The following KIAA1586 variants were observed in gnomAD, a reference collection of about 807,000 sequenced individuals.
The protein encoded by KIAA1586 is E3 SUMO-protein ligase KIAA1586.
KIAA1586 carries 5 observed loss-of-function variants against 6.1 expected under a neutral mutation model. The ratio of observed to expected loss-of-function variants is 0.82; its 90% CI spans 0.43 to 1.73. KIAA1586 has a LOEUF of 1.73. KIAA1586 is among the 40% of genes most tolerant of loss of function. KIAA1586 has a pLI of 0.02. For synonymous variants in KIAA1586, 280 were observed against 301.7 expected, an observed-to-expected ratio of 0.93 and a Z score of 0.75; for missense variants, 899 against 878.2, an observed-to-expected ratio of 1.02 and a Z score of -0.30.
At chr6:57,056,343 A>G (rs1032245264), downstream of KIAA1586, among the ~76,000 whole-genome samples, 1 of 151,942 alleles carries the variant, frequency 6.6e-6, no homozygotes, top group Non-Finnish European at 1.5e-5. Context: ...AGTAGCTGGG[A>G]TTACAGGTGT....
At position 57,053,568 on chromosome 6, in the gene KIAA1586, A is replaced by ATT; in HGVS notation, c.1069_1070insTT (p.Thr357IlefsTer3). 6.2e-7 allele frequency: 1 copy of ATT among 1,612,546 alleles called. No individual in the cohort carries two copies. The highest frequency in any genetic ancestry group is 8.5e-7 in the Non-Finnish European group (1 of 1,178,904). Reference sequence around the variant, plus strand: ...TGTGGCTTTAAAAGAATTGGTGTCAACTATAGCAGAGTGTATTGTCAATAC... The same window carrying ATT: ...TGTGGCTTTAAAAGAATTGGTGTCAATTCTATAGCAGAGTGTATTGTCAATAC... On this transcript the variant is annotated frameshift_variant, in exon 4 of 4. Transcript: ENST00000370733. LOFTEE classifies it low-confidence loss of function (END_TRUNC).
At chr6:57,056,364 G>C (rs1420891560), downstream of KIAA1586, among the ~76,000 whole-genome samples, 1 of 151,342 alleles carries the variant, frequency 6.6e-6, no homozygotes, top group Non-Finnish European at 1.5e-5. Flanking sequence ...CTGCCACCAT[G>C]CCCAGCTAAT....
At chr6:57,056,365 C>T (rs1828498605), downstream of KIAA1586, among the ~76,000 whole-genome samples, 1 of 151,934 alleles carries the variant, frequency 6.6e-6, no homozygotes, top group Non-Finnish European at 1.5e-5. Flanking sequence ...TGCCACCATG[C>T]CCAGCTAATT....
Position 57,054,731 on chromosome 6 carries a change from A to G in KIAA1586, c.2232A>G (p.Ala744=), listed in dbSNP as rs1281905943. ...MTINLLGKEL[A]DWDATPFVKS... The stretch of plus-strand genomic sequence containing the variant: ...TAAATTTACTGGGGAAAGAATTAGC[A>G]GATTGGGATGCAACACCGTTTGTAA... Residue 744 remains alanine (A), a synonymous_variant, in exon 4 of 4, where the codon GCA becomes GCG. Coordinates refer to ENST00000370733, the MANE Select transcript of KIAA1586 (RefSeq NM_020931.4). The G allele has an allele frequency of 6.4e-7, 1 of 1,551,476 alleles. No individual in the cohort carries two copies. Among genetic ancestry groups the G allele is most frequent in the Admixed American group, 2.0e-5 (1 of 51,012 alleles).
the KIAA1586 span, among the ~76,000 whole-genome samples, chr6:57,064,714 C>T: frequency 6.6e-6 from 1 of 152,130 alleles, no homozygotes; most frequent in Non-Finnish European, 1.5e-5. Context: ...CAAAAGCCTT[C>T]TATTTATTGT....
Position 57,054,314 on chromosome 6 carries a change from A to G in KIAA1586, c.1815A>G (p.Ile605Met). 1.3e-6 allele frequency: 2 copies of G among 1,585,162 alleles called. No homozygotes were observed. Among genetic ancestry groups the G allele is most frequent in the Non-Finnish European group, 1.7e-6 (2 of 1,169,188 alleles). ...NNKFNALPRS[I>M]LLDNIIQHMN... is the part of the protein sequence containing the mutation. ...AATTTAATGCTCTTCCTAGGAGTAT[A>G]TTACTAGACAATATAATTCAGCACA... The change falls in exon 4 of 4, where the codon ATA becomes ATG. Residue 605 changes from isoleucine (I) to methionine (M), a missense_variant. Coordinates refer to ENST00000370733, the MANE Select transcript of KIAA1586 (RefSeq NM_020931.4).
At chr6:57,066,266 G>A in the KIAA1586 span, among the ~76,000 whole-genome samples, 3 of 151,902 alleles carry the variant, frequency 2.0e-5, no homozygotes, top group African/African-American at 7.3e-5. Context: ...GCAACAGTGA[G>A]ACTCCATCTA....
chr6:57,050,713 A>C, intron 2 of KIAA1586, 61 bp from the exon 3 acceptor site: 1 of 1,203,542 alleles, frequency 8.3e-7, no homozygotes, highest in Non-Finnish European at 1.2e-6. Flanking sequence ...ACTGATTGTT[A>C]AATTTAAGTT....
At position 57,053,146 on chromosome 6, in the gene KIAA1586, A is replaced by C; in HGVS notation, c.647A>C (p.His216Pro). ...AGGGAACATGATGTTTCTAAAGCCCATGGTAAAATTCAGGATTTGTTAAAG... is the reference window on the plus strand; with the variant it reads ...AGGGAACATGATGTTTCTAAAGCCCCTGGTAAAATTCAGGATTTGTTAAAG... ...KIREHDVSKAHGKIQDLLKES... is the reference protein window; with the variant it reads ...KIREHDVSKAPGKIQDLLKES... The change falls in exon 4 of 4, where the codon CAT (histidine) becomes CCT (proline). Residue 216 changes from histidine to proline, a missense_variant. His to Pro is a moderately conservative substitution (Grantham distance 77). Coordinates refer to ENST00000370733, the MANE Select transcript of KIAA1586 (RefSeq NM_020931.4). The C allele has an allele frequency of 6.2e-7, 1 of 1,611,032 alleles. No homozygotes were observed. Among genetic ancestry groups the C allele is most frequent in the Non-Finnish European group, 8.5e-7 (1 of 1,179,206 alleles).
downstream of KIAA1586, among the ~76,000 whole-genome samples, chr6:57,058,588 G>A (rs1006593419): frequency 1.1e-4 from 16 of 152,032 alleles, no homozygotes; most frequent in African/African-American, 3.9e-4. Flanking sequence ...AATATCCTAT[G>A]GCATATGAAT....
At position 57,054,117 on chromosome 6, in the gene KIAA1586, T is replaced by C. The variant is rs750840614; in HGVS notation, c.1618T>C (p.Ser540Pro). Residue 540 changes from serine (S) to proline (P), a missense_variant, in exon 4 of 4, where the codon TCA (serine) becomes CCA (proline). By Grantham distance (74) the Ser-to-Pro change is moderately conservative. Coordinates refer to ENST00000370733, the MANE Select transcript of KIAA1586 (RefSeq NM_020931.4). ...IDILEEFSVL[S>P]TALQSRSTNI... ...CATTCTTGAAGAATTTTCAGTACTT[T>C]CAACTGCATTACAGTCAAGATCAAC... is the stretch of plus-strand genomic sequence containing the variant. The C allele has an allele frequency of 1.2e-6, 2 of 1,607,700 alleles. No individual in the cohort carries two copies. Among genetic ancestry groups the C allele is most frequent in the African/African-American group, 1.3e-5 (1 of 74,610 alleles).
Position 57,050,784 on chromosome 6 carries a change from C to G in KIAA1586, c.116C>G (p.Ser39Trp). The change falls in exon 3 of 4, where the codon TCG (serine) becomes TGG (tryptophan). Residue 39 changes from serine (S) to tryptophan (W), a missense_variant. Physicochemically the swap from Ser to Trp is radical, Grantham distance 177. Transcript: ENST00000370733. ...CCACTTCCTTTTTAGGAAGGACCAT[C>G]GAGACCTGTTCTTGAATACATCGAT... ...DDIQFVSEGP[S>W]RPVLEYIDLV... 1.2e-6 allele frequency: 2 copies of G among 1,611,992 alleles called. No homozygotes were observed. Among genetic ancestry groups the G allele is most frequent in the Non-Finnish European group, 1.7e-6 (2 of 1,178,362 alleles).
chr6:57,050,409 C>G (rs750685667), intron 2 of KIAA1586, among the ~76,000 whole-genome samples: 1 of 151,620 alleles, frequency 6.6e-6, no homozygotes, highest in Non-Finnish European at 1.5e-5. Context: ...CCCCAACTTC[C>G]TGGGCTCCAG....
In KIAA1586 at chr6:57,054,749, G is replaced by T. The variant is rs375729894; in HGVS notation, c.2250G>T (p.Pro750=). The change falls in exon 4 of 4, where the codon CCG becomes CCT. Residue 750 remains proline, a synonymous_variant. Coordinates refer to ENST00000370733, the MANE Select transcript of KIAA1586 (RefSeq NM_020931.4). The part of the protein sequence containing the change: ...GKELADWDAT[P]FVKSWSNCNH... ...AATTAGCAGATTGGGATGCAACACC[G>T]TTTGTAAAATCTTGGTCAAATTGCA... is the stretch of plus-strand genomic sequence containing the variant. The T allele has an allele frequency of 6.4e-7, 1 of 1,551,302 alleles. No individual in the cohort carries two copies. Among genetic ancestry groups the T allele is most frequent in the Non-Finnish European group, 8.7e-7 (1 of 1,146,768 alleles).
At chr6:57,061,492 G>C in the KIAA1586 span, among the ~76,000 whole-genome samples, 2 of 151,292 alleles carry the variant, frequency 1.3e-5, no homozygotes, top group Non-Finnish European at 2.9e-5. Context: ...TTCCAGACTT[G>C]GGCAGTCCTC....
intron 3 of KIAA1586, among the ~76,000 whole-genome samples, chr6:57,051,850 T>A (rs947653527): frequency 1.3e-5 from 2 of 152,144 alleles, no homozygotes; most frequent in African/African-American, 4.8e-5. Flanking sequence ...GGCACGTGCC[T>A]GTAATTTCAG....
At chr6:57,048,015 G>A (rs1232080305) in intron 2 of KIAA1586, among the ~76,000 whole-genome samples, 1 of 150,422 alleles carries the variant, frequency 6.6e-6, no homozygotes, top group African/African-American at 2.5e-5. Context: ...AGAATTTCCA[G>A]GCGGGGGCCT....
At chr6:57,049,245 A>C (rs1593046982) in intron 2 of KIAA1586, among the ~76,000 whole-genome samples, 1 of 152,324 alleles carries the variant, frequency 6.6e-6, no homozygotes, top group East Asian at 1.9e-4. Flanking sequence ...AAATACACTC[A>C]GAGACAACTT....
chr6:57,048,597 A>G (rs1562568853), intron 2 of KIAA1586, among the ~76,000 whole-genome samples: 1 of 152,218 alleles, frequency 6.6e-6, no homozygotes, highest in African/African-American at 2.4e-5. Flanking sequence ...CTTGAAATCA[A>G]AGAGCAATGG....
Sources: allele counts gnomAD v4.1 joint callset (sites outside exome capture counted in the v4.1 genomes callset), GRCh38; gene constraint gnomAD v4.1.1; transcripts MANE v1.5; gene names NCBI Gene and HGNC (gene_info 2026-07-23, HGNC 2026-07-21).